Variants in LY6H observed in about 807,000 individuals in gnomAD.
LY6H encodes the protein lymphocyte antigen 6H.
In LY6H, 8 loss-of-function variants were observed where a neutral mutation model predicts 14.6. That is an observed-to-expected ratio of 0.55 (90% CI 0.32 to 0.99). The LOEUF (loss-of-function observed/expected upper bound fraction) is 0.99. Ranked by LOEUF, LY6H falls within the 50% of genes least tolerant of loss-of-function variation. The pLI is 0.04. For synonymous variants in LY6H, 115 were observed against 97.2 expected, an observed-to-expected ratio of 1.18 and a Z score of -1.08; for missense variants, 196 against 219.6, an observed-to-expected ratio of 0.89 and a Z score of 0.68.
At position 143,158,402 on chromosome 8, in the gene LY6H, C is replaced by T; in HGVS notation, c.334G>A (p.Gly112Arg). 6.2e-7 allele frequency: 1 copy of T among 1,614,020 alleles called. No individual in the cohort carries two copies. Among genetic ancestry groups the T allele is most frequent in the Non-Finnish European group, 8.5e-7 (1 of 1,179,980 alleles). Residue 112 changes from glycine (G) to arginine (R), a missense_variant, in exon 4 of 4, where the codon GGG becomes AGG. Gly to Arg is a moderately radical substitution (Grantham distance 125). Transcript: ENST00000342752. ...TTTAAGATCCCAGAGTTAATAAACCCCATCAGATAGTCTGAGAAAAAGTGT... is the reference window on the plus strand; with the variant it reads ...TTTAAGATCCCAGAGTTAATAAACCTCATCAGATAGTCTGAGAAAAAGTGT... ...KRHFFSDYLM[G>R]FINSGILKVD...
chr8:143,159,928 G>T, intron 1 of LY6H: 1 of 1,229,452 alleles, frequency 8.1e-7, no homozygotes, highest in Non-Finnish European at 1.0e-6. Flanking sequence ...TCCGCCCCGC[G>T]CCGGCACCTG....
chr8:143,160,084 TG>T lies in LY6H; in HGVS notation c.2+113del, dbSNP rs879686589. Reference sequence around the variant, plus strand: ...CAGGTCCCCACCCCCACCCCTGGGCTGGGGGGCCGGGAACCCCGGGCCGAGT... The same window carrying T: ...CAGGTCCCCACCCCCACCCCTGGGCTGGGGGCCGGGAACCCCGGGCCGAGT... On this transcript the variant is annotated intron_variant, in intron 1 of 3. Coordinates refer to ENST00000342752, the MANE Select transcript of LY6H (RefSeq NM_001135655.2). The T allele has an allele frequency of 1.7e-4, 164 of 964,116 alleles. 2 individuals are homozygous for T. The Admixed American group carries it at 5.3e-3, about 31-fold the overall frequency. 59.7% of individuals were successfully genotyped at this position (964,116 alleles called of 1,614,324 possible). A position where few individuals can be genotyped will look rare whatever the true frequency, so the allele number is the denominator to read the frequency against.
At chr8:143,158,656 G>T in intron 3 of LY6H, 147 bp downstream of exon 3, 1 of 1,238,470 alleles carries the variant, frequency 8.1e-7, no homozygotes, top group Non-Finnish European at 1.1e-6. Flanking sequence ...CCACCAAGGA[G>T]CCAGGGGGGG....
In LY6H at chr8:143,159,715, G is replaced by C. The variant is rs891633533; in HGVS notation, c.3-6C>G. ...GGGTCCTCTGGGGCGCAAGCCTGGA[G>C]GGGAGAAGCATCGGTCAGGAGACCC... On this transcript the variant is annotated splice_polypyrimidine_tract_variant and splice_region_variant and intron_variant, in intron 1 of 3. Transcript: ENST00000342752. 1 of 1,367,178 alleles carries C rather than the reference G, an allele frequency of 7.3e-7. No homozygotes were observed. The allele number at this position is 1,367,178 out of a possible 1,614,324, so 84.7% of individuals were successfully genotyped here.
intron 1 of LY6H, chr8:143,159,995 G>C: frequency 8.1e-7 from 1 of 1,229,948 alleles, no homozygotes; most frequent in East Asian, 3.2e-5. Context: ...AGGTGCGTCC[G>C]GACAGGAATG....
chr8:143,158,933 C>A lies in LY6H; in HGVS notation c.131-11G>T. 1 of 1,613,272 alleles carries A rather than the reference C, an allele frequency of 6.2e-7. No individual in the cohort carries two copies. Among genetic ancestry groups the A allele is most frequent in the Non-Finnish European group, 8.5e-7 (1 of 1,179,796 alleles). ...ACCACAGGCCATGAGCTGGGCAGGGCATGGGGAGGAGGGTGACCAGAGGCA... is the reference window on the plus strand; with the variant it reads ...ACCACAGGCCATGAGCTGGGCAGGGAATGGGGAGGAGGGTGACCAGAGGCA... On this transcript the variant is annotated splice_polypyrimidine_tract_variant and intron_variant, in intron 2 of 3. Transcript: ENST00000342752.
intron 3 of LY6H, 21 bp from the exon 4 acceptor site, chr8:143,158,506 C>G: frequency 6.3e-7 from 1 of 1,589,448 alleles, no homozygotes; most frequent in Non-Finnish European, 8.6e-7. Context: ...AAAGCGTGGC[C>G]TGGGACGGGG....
Position 143,158,122 on chromosome 8 carries a change from G to C in LY6H, c.*128C>G. ...GGAGGCTTCACGTCGGGGGAGGAGT[G>C]AGAGCCACAGGCCACAGCCACGGAG... On this transcript the variant is annotated 3_prime_UTR_variant, in exon 4 of 4. Coordinates refer to ENST00000342752, the MANE Select transcript of LY6H (RefSeq NM_001135655.2). 1 of 634,158 alleles carries C rather than the reference G, an allele frequency of 1.6e-6. No individual in the cohort carries two copies. The highest frequency in any genetic ancestry group is 2.8e-6 in the Non-Finnish European group (1 of 363,490). The allele number at this position is 634,158 out of a possible 1,614,324, so 39.3% of individuals were successfully genotyped here. A position where few individuals can be genotyped will look rare whatever the true frequency, so the allele number is the denominator to read the frequency against.
chr8:143,159,207 G>A (rs1052326023), intron 2 of LY6H: 3 of 571,578 alleles, frequency 5.2e-6, no homozygotes, highest in Non-Finnish European at 9.4e-6. Flanking sequence ...ACCCCACACC[G>A]ACAGTGCCCC....
At chr8:143,159,768 G>A (rs1483461576) in intron 1 of LY6H, 59 bp from the exon 2 acceptor site, 8 of 1,312,252 alleles carry the variant, frequency 6.1e-6, no homozygotes, top group Non-Finnish European at 7.8e-6. Context: ...CCCAGCCTCA[G>A]GATGCAACCT....
chr8:143,159,424 C>T, intron 2 of LY6H, 158 bp downstream of exon 2: 2 of 823,394 alleles, frequency 2.4e-6, no homozygotes, highest in Non-Finnish European at 3.5e-6. Context: ...GCAGAGGGGC[C>T]GAGGGCCGGG....
At chr8:143,160,486 G>A (rs1815574918), upstream of LY6H, 2 of 150,898 alleles carry the variant, frequency 1.3e-5, no homozygotes, top group Middle Eastern at 3.4e-3. Flanking sequence ...CGCTCCCTCG[G>A]GTTCCCGCTC....
Position 143,158,800 on chromosome 8 carries a change from T to TA in LY6H, c.250+2dup, listed in dbSNP as rs745686099. The TA allele has an allele frequency of 6.3e-7, 1 of 1,580,942 alleles. No homozygotes were observed. The highest frequency in any genetic ancestry group is 8.6e-7 in the Non-Finnish European group (1 of 1,158,618). ...TTCCCCACCACCCTAAGTCCCAACT[T>TA]ACTGCTGCTGGGATCGGTGATTCGG... On this transcript the variant is annotated splice_region_variant and intron_variant, in intron 3 of 3. Transcript: ENST00000342752.
chr8:143,160,530 C>T (rs1427490695), upstream of LY6H: 1 of 151,808 alleles, frequency 6.6e-6, no homozygotes, highest in Non-Finnish European at 1.5e-5. Flanking sequence ...CCTCCCCAGC[C>T]TCCGCGGCCC....
In LY6H at chr8:143,159,503, G is replaced by A. The variant is rs921731270; in HGVS notation, c.130+79C>T. 5.1e-5 allele frequency: 71 copies of A among 1,402,226 alleles called. No homozygotes were observed. In the African/African-American group the frequency reaches 9.6e-4, roughly 19 times the overall value. 86.9% of individuals were successfully genotyped at this position (1,402,226 alleles called of 1,614,324 possible). On this transcript the variant is annotated intron_variant, in intron 2 of 3. Transcript: ENST00000342752. ...AGTGCGGTGGGAACCGTCAGAGGGT[G>A]GCAGCCCCACACCCGGCTCTCCCGC...
Position 143,158,839 on chromosome 8 carries a change from C to T in LY6H, c.214G>A (p.Val72Met), listed in dbSNP as rs769533596. ...TCGGTGATTCGGACACTGGCACACA[C>T]CGTGTCGGACGGCTGGCACTGCTTT... ...TPKQCQPSDTVCASVRITDPS... is the reference protein window; with the variant it reads ...TPKQCQPSDTMCASVRITDPS... The change falls in exon 3 of 4, where the codon GTG becomes ATG. Residue 72 changes from valine to methionine, a missense_variant. By Grantham distance (21) the Val-to-Met change is conservative. Coordinates refer to ENST00000342752, the MANE Select transcript of LY6H (RefSeq NM_001135655.2). 3 of 1,605,842 alleles carry T rather than the reference C, an allele frequency of 1.9e-6. No individual in the cohort carries two copies. Among genetic ancestry groups the T allele is most frequent in the Non-Finnish European group, 2.6e-6 (3 of 1,174,146 alleles).
At chr8:143,158,625 G>T in intron 3 of LY6H, 140 bp from the exon 4 acceptor site, 2 of 1,152,664 alleles carry the variant, frequency 1.7e-6, no homozygotes, top group Non-Finnish European at 2.5e-6. Flanking sequence ...TCCCACGCTG[G>T]CCTCAACTAG....
intron 1 of LY6H, chr8:143,159,945 G>T: frequency 8.0e-7 from 1 of 1,242,928 alleles, no homozygotes; most frequent in Non-Finnish European, 1.0e-6. Flanking sequence ...CCTGTGTGGG[G>T]GAGCGGATGG....
chr8:143,159,483 G>A, intron 2 of LY6H, 99 bp downstream of exon 2: 1 of 1,337,574 alleles, frequency 7.5e-7, no homozygotes, highest in Non-Finnish European at 9.7e-7. Context: ...TGCGAAGTGC[G>A]GTGGGAACCG....
Sources: gnomAD v4.1 joint callset for allele counts on GRCh38, gnomAD v4.1.1 for gene constraint, MANE v1.5 for transcripts, NCBI Gene and HGNC (gene_info 2026-07-23, HGNC 2026-07-21) for gene names.